The following UGGT1 variants were observed in gnomAD, a reference collection of about 807,000 sequenced individuals.
UGGT1 encodes UDP-glucose:glycoprotein glucosyltransferase 1.
In UGGT1, 107 loss-of-function variants were observed where a neutral mutation model predicts 203.9. That is an observed-to-expected ratio of 0.52 (90% confidence interval 0.45 to 0.62). The LOEUF is 0.62. Among genes scored for constraint, UGGT1 ranks in the 20% least tolerant of loss-of-function variants. UGGT1 has a pLI of 0.00. For synonymous variants in UGGT1, 628 were observed against 653.5 expected (o/e 0.96, Z 0.59); for missense variants, 1,673 against 1,867.2 (o/e 0.90, Z 1.92).
chr2:128,175,195 C>T (rs565274287), intron 31 of UGGT1, among the ~76,000 whole-genome samples: 1 of 152,204 alleles, frequency 6.6e-6, no homozygotes, highest in African/African-American at 2.4e-5. Context: ...AAAGAAAGAA[C>T]AGCCACACTT....
rs568765121 is a variant in UGGT1 at position 128,097,369 on chromosome 2, C to T, written c.59-60C>T. 2,450 of 1,552,250 alleles carry T rather than the reference C, an allele frequency of 1.6e-3. 5 individuals carry two copies. The highest frequency in any genetic ancestry group is 7.3e-3 in the East Asian group (322 of 44,162). ...CAGCCTGGGCGACAGGGCGAGACTG[C>T]GTCTCAAAAAAAAAAAAAATTTCCT... On this transcript the variant is annotated intron_variant, in intron 1 of 40. Coordinates refer to ENST00000259253, the MANE Select transcript of UGGT1 (RefSeq NM_020120.4).
chr2:128,171,319 AT>A lies in UGGT1; in HGVS notation c.3104+37del, dbSNP rs750035768. ...GCTATGTAAGAAAACAGTTGAAGAA[AT>A]TGTACTGAATCCAAGTTCTGATATT... is the stretch of plus-strand genomic sequence containing the variant. On this transcript the variant is annotated intron_variant, in intron 28 of 40. Coordinates refer to ENST00000259253, the MANE Select transcript of UGGT1 (RefSeq NM_020120.4). 7.0e-6 allele frequency: 11 copies of A among 1,569,644 alleles called. No individual in the cohort carries two copies. In the Admixed American group the frequency reaches 1.9e-4, roughly 28 times the overall value.
In UGGT1 at chr2:128,181,718, G is replaced by A. The variant is rs573218816; in HGVS notation, c.4084-412G>A. 4.0e-4 allele frequency among the ~76,000 whole-genome samples: 61 copies of A among 152,300 alleles called. 2 individuals are homozygous for A. The highest frequency in any genetic ancestry group is 1.4e-3 in the African/African-American group (60 of 41,572). ...TAGCCTGAAGTGTGCCTTCCTGATT[G>A]TAACATAGCCACATTTAATCCTTGT... On this transcript the variant is annotated intron_variant, in intron 36 of 40. Transcript: ENST00000259253.
chr2:128,124,387 A>G (rs147472707), intron 11 of UGGT1, among the ~76,000 whole-genome samples: 3 of 152,280 alleles, frequency 2.0e-5, no homozygotes, highest in African/African-American at 7.2e-5. Context: ...GAGAAATCTG[A>G]AGCCTTTGTA....
intron 18 of UGGT1, among the ~76,000 whole-genome samples, 176 bp downstream of exon 18, chr2:128,146,143 T>TA (rs1433978051): frequency 6.6e-6 from 1 of 151,964 alleles, no homozygotes; most frequent in African/African-American, 2.4e-5. Context: ...ACCCCATTTC[T>TA]AAAAAAGAAA....
chr2:128,124,082 A>T (rs1000340113), intron 11 of UGGT1, among the ~76,000 whole-genome samples: 20 of 152,096 alleles, frequency 1.3e-4, no homozygotes, highest in Non-Finnish European at 2.4e-4. Flanking sequence ...AGTAGCTGGG[A>T]CCACAGGCGC....
chr2:128,104,125 T>G (rs1687501540), intron 3 of UGGT1, 111 bp downstream of exon 3: 3 of 753,780 alleles, frequency 4.0e-6, no homozygotes, highest in Non-Finnish European at 6.2e-6. Context: ...CATTGTTGTC[T>G]TTAATGACTG....
intron 11 of UGGT1, among the ~76,000 whole-genome samples, chr2:128,127,089 C>T (rs1342277608): frequency 6.6e-6 from 1 of 152,142 alleles, no homozygotes; most frequent in East Asian, 1.9e-4. Context: ...AATTGATACA[C>T]CTTTCCATGA....
chr2:128,097,367 T>C (rs887134936), intron 1 of UGGT1, 62 bp from the exon 2 acceptor site: 5 of 1,559,716 alleles, frequency 3.2e-6, no homozygotes, highest in Non-Finnish European at 4.3e-6. Flanking sequence ...AGGGCGAGAC[T>C]GCGTCTCAAA....
At chr2:128,169,061 A>T (rs1323828901) in intron 26 of UGGT1, among the ~76,000 whole-genome samples, 2 of 48,652 alleles carry the variant, frequency 4.1e-5, no homozygotes, top group African/African-American at 1.4e-4. Flanking sequence ...AAAAAAAAAA[A>T]AAAAAAAAAA....
rs567675043 is a variant in UGGT1 at position 128,128,114 on chromosome 2, G to A, written c.1226+662G>A. ...AAAAAAAACTGTCTCTTGTGTCTCA[G>A]AAGGTGTTCTGTCTACATATATTAT... On this transcript the variant is annotated intron_variant, in intron 12 of 40. Coordinates refer to ENST00000259253, the MANE Select transcript of UGGT1 (RefSeq NM_020120.4). Among the ~76,000 whole-genome samples, 15 of 152,154 alleles carry A rather than the reference G, an allele frequency of 9.9e-5. No individual in the cohort carries two copies. In the East Asian group the frequency reaches 2.9e-3, roughly 29 times the overall value.
chr2:128,113,165 G>A lies in UGGT1; in HGVS notation c.603G>A (p.Glu201=), dbSNP rs1367431051. 1 of 1,613,002 alleles carries A rather than the reference G, an allele frequency of 6.2e-7. No individual in the cohort carries two copies. Among genetic ancestry groups the A allele is most frequent in the East Asian group, 2.2e-5 (1 of 44,786 alleles). ...PESPVVIFYS[E]IGSEEFSNFH... is the part of the protein sequence containing the mutation. ...GCCCTGTGGTGATTTTCTACTCTGA[G>A]ATTGGCTCTGAGGAATTTTCCAATT... is the stretch of plus-strand genomic sequence containing the variant. Residue 201 remains glutamate (E), a synonymous_variant, in exon 6 of 41, where the codon GAG becomes GAA. Transcript: ENST00000259253.
chr2:128,122,216 C>T (rs923775701), intron 10 of UGGT1, among the ~76,000 whole-genome samples: 2 of 151,454 alleles, frequency 1.3e-5, no homozygotes, highest in Non-Finnish European at 2.9e-5. Flanking sequence ...TCAGGTGATC[C>T]ACCCGCCTTG....
Position 128,190,139 on chromosome 2 carries a change from C to T in UGGT1, c.*397C>T, listed in dbSNP as rs539350587. 2.5e-4 allele frequency: 45 copies of T among 177,616 alleles called. No individual in the cohort carries two copies. The highest frequency in any genetic ancestry group is 8.5e-4 in the South Asian group (6 of 7,098). 11.0% of individuals were successfully genotyped at this position (177,616 alleles called of 1,614,324 possible). ...GTTCTTCCTTACCTCAGTTTACCTGCGGCCTGCGCTGCACTGCAGATGCCC... is the reference window on the plus strand; with the variant it reads ...GTTCTTCCTTACCTCAGTTTACCTGTGGCCTGCGCTGCACTGCAGATGCCC... On this transcript the variant is annotated 3_prime_UTR_variant, in exon 41 of 41. Coordinates refer to ENST00000259253, the MANE Select transcript of UGGT1 (RefSeq NM_020120.4).
rs1160092230 is a variant in UGGT1 at position 128,191,500 on chromosome 2, C to T, written c.*1758C>T. The T allele has an allele frequency of 8.1e-6, 1 of 123,502 alleles. No homozygotes were observed. The highest frequency in any genetic ancestry group is 1.8e-5 in the Non-Finnish European group (1 of 55,482). 7.7% of individuals were successfully genotyped at this position (123,502 alleles called of 1,614,324 possible). ...TGGCTGCTGTGGGCAGAGTCTGTGA[C>T]ATGACTTTCCCCGCCCTGCCCCTCT... is the stretch of plus-strand genomic sequence containing the variant. On this transcript the variant is annotated 3_prime_UTR_variant, in exon 41 of 41. Coordinates refer to ENST00000259253, the MANE Select transcript of UGGT1 (RefSeq NM_020120.4).
At chr2:128,125,287 G>T (rs1321170799) in intron 11 of UGGT1, among the ~76,000 whole-genome samples, 1 of 152,106 alleles carries the variant, frequency 6.6e-6, no homozygotes, top group African/African-American at 2.4e-5. Context: ...GGAGTAGGGG[G>T]TAGCACCGAC....
At chr2:128,189,596 G>A in intron 40 of UGGT1, 121 bp from the exon 41 acceptor site, 2 of 990,950 alleles carry the variant, frequency 2.0e-6, no homozygotes, top group Non-Finnish European at 3.0e-6. Context: ...GATTTAGTAA[G>A]TGAGATAAGA....
At chr2:128,127,525 G>A (rs934418386) in intron 12 of UGGT1, 73 bp downstream of exon 12, 12 of 1,152,090 alleles carry the variant, frequency 1.0e-5, no homozygotes, top group South Asian at 9.4e-5. Context: ...TCATATTGCC[G>A]TTCCTTCTTG....
At position 128,174,775 on chromosome 2, in the gene UGGT1, CTACTT is replaced by C; in HGVS notation, c.3458_3462del (p.Tyr1153SerfsTer14). 6.2e-7 allele frequency: 1 copy of C among 1,613,150 alleles called. No homozygotes were observed. The highest frequency in any genetic ancestry group is 2.2e-5 in the East Asian group (1 of 44,860). ...CTGGACTTTTCTTCTTGTCCTAGGG[CTACTT>C]TCAGCTGAAAGCCAACCCAGGAGCT... On this transcript the variant is annotated frameshift_variant, in exon 31 of 41. Coordinates refer to ENST00000259253, the MANE Select transcript of UGGT1 (RefSeq NM_020120.4). LOFTEE classifies it high-confidence loss of function.
Sources: gnomAD v4.1 joint callset for allele counts (sites outside exome capture counted in the v4.1 genomes callset) on GRCh38, gnomAD v4.1.1 for gene constraint, MANE v1.5 for transcripts, NCBI Gene and HGNC (gene_info 2026-07-23, HGNC 2026-07-21) for gene names.